Variants in IMPA2 observed in about 807,000 individuals in gnomAD.
IMPA2 encodes the protein inositol monophosphatase 2.
IMPA2 carries 32 observed loss-of-function variants against 35.1 expected under a neutral mutation model. The observed-to-expected ratio is 0.91, with a 90% CI of 0.69 to 1.23. IMPA2 has a LOEUF of 1.23. Among genes scored for constraint, IMPA2 ranks in the 50% most tolerant of loss-of-function variants. The probability of loss-of-function intolerance (pLI) is 0.00; values close to 1 mark genes in which losing one functional copy is unlikely to be tolerated. For synonymous variants in IMPA2, 135 were observed against 160.6 expected, an observed-to-expected ratio of 0.84 and a Z score of 1.20; for missense variants, 334 against 387.6, an observed-to-expected ratio of 0.86 and a Z score of 1.16.
At chr18:11,983,875 T>C (rs549612082) in intron 1 of IMPA2, among the ~76,000 whole-genome samples, 20 of 152,230 alleles carry the variant, frequency 1.3e-4, no homozygotes, top group Non-Finnish European at 2.6e-4. Context: ...GGAGAAAACA[T>C]ATCCTTTAGC....
chr18:12,000,459 C>T (rs1907085569), intron 2 of IMPA2, among the ~76,000 whole-genome samples: 2 of 151,096 alleles, frequency 1.3e-5, no homozygotes, highest in Admixed American at 6.6e-5. Context: ...TCAAGGTTAC[C>T]AGCTCTCCCT....
chr18:12,013,717 T>C (rs1907496018), intron 4 of IMPA2, among the ~76,000 whole-genome samples: 1 of 152,198 alleles, frequency 6.6e-6, no homozygotes, highest in Non-Finnish European at 1.5e-5. Flanking sequence ...TGATGCTTTG[T>C]TCCCTGATGT....
chr18:12,028,320 A>T (rs1245956851), intron 6 of IMPA2, 169 bp downstream of exon 6: 6 of 602,288 alleles, frequency 1.0e-5, no homozygotes, highest in African/African-American at 1.9e-5. Flanking sequence ...CCTGCAGTAG[A>T]TACTCCTATA....
intron 2 of IMPA2, among the ~76,000 whole-genome samples, chr18:12,007,631 C>CTTTCT (rs1446198513): frequency 1.4e-4 from 4 of 28,504 alleles, no homozygotes; most frequent in Non-Finnish European, 2.1e-4. Flanking sequence ...TTTCTTTCTT[C>CTTTCT]TTTCTTTCTT....
chr18:12,021,578 GC>G (rs1468906620), intron 5 of IMPA2: 4 of 151,642 alleles, frequency 2.6e-5, no homozygotes, highest in African/African-American at 9.7e-5. Context: ...GAGTGCAGTG[GC>G]TGATCTCGGC....
rs1256464157 is a variant in IMPA2, at chr18:12,007,570, CTTCTTTTCT to C, written c.231-2301_231-2293del. ...CATGGGACGCTTCTTTCTTTCTTTCCTTCTTTTCTTTCTTTTCTTTTCTTTCTTTCTTTC... is the reference window on the plus strand; with the variant it reads ...CATGGGACGCTTCTTTCTTTCTTTCCTTCTTTTCTTTTCTTTCTTTCTTTC... On this transcript the variant is annotated intron_variant, in intron 2 of 7. Coordinates refer to ENST00000269159, the MANE Select transcript of IMPA2 (RefSeq NM_014214.3). 1.0e-4 allele frequency among the ~76,000 whole-genome samples: 15 copies of C among 147,150 alleles called. 1 individual carries two copies. In the South Asian group the frequency reaches 2.1e-3, roughly 21 times the overall value.
chr18:12,000,218 G>A (rs528416033), intron 2 of IMPA2, among the ~76,000 whole-genome samples: 1 of 151,994 alleles, frequency 6.6e-6, no homozygotes, highest in African/African-American at 2.4e-5. Flanking sequence ...AGTTGCCCAG[G>A]TTGGAGTGCA....
chr18:12,028,440 C>G (rs971129563), intron 6 of IMPA2: 3 of 461,066 alleles, frequency 6.5e-6, no homozygotes, highest in Non-Finnish European at 1.2e-5. Context: ...CAGTCCTTCC[C>G]GAGGGGGCCT....
At chr18:12,026,914 T>C (rs1907895598) in intron 5 of IMPA2, among the ~76,000 whole-genome samples, 1 of 152,200 alleles carries the variant, frequency 6.6e-6, no homozygotes, top group African/African-American at 2.4e-5. Flanking sequence ...GGCAGGTTGC[T>C]TTGGTGTGGA....
At chr18:11,999,944 T>G (rs1907070864) in intron 2 of IMPA2, among the ~76,000 whole-genome samples, 1 of 152,220 alleles carries the variant, frequency 6.6e-6, no homozygotes, top group African/African-American at 2.4e-5. Context: ...AGTTCTGCAG[T>G]ATAAATGCTG....
chr18:11,993,473 G>A (rs1906871500), intron 1 of IMPA2, among the ~76,000 whole-genome samples: 1 of 152,224 alleles, frequency 6.6e-6, no homozygotes, highest in Admixed American at 6.5e-5. Flanking sequence ...ACCTGATAGA[G>A]CCCTATCTGG....
intron 4 of IMPA2, among the ~76,000 whole-genome samples, chr18:12,012,540 C>T (rs947557233): frequency 2.0e-5 from 3 of 152,136 alleles, no homozygotes; most frequent in Non-Finnish European, 2.9e-5. Context: ...ACCCCTAGAG[C>T]GTGTGATCTC....
At chr18:12,013,737 G>A (rs750818757) in intron 4 of IMPA2, among the ~76,000 whole-genome samples, 4 of 152,176 alleles carry the variant, frequency 2.6e-5, no homozygotes, top group Non-Finnish European at 5.9e-5. Flanking sequence ...TGGGGCAGTC[G>A]GGCCACTGTT....
chr18:12,001,426 G>A (rs1372062629), intron 2 of IMPA2, among the ~76,000 whole-genome samples: 1 of 152,038 alleles, frequency 6.6e-6, no homozygotes, highest in Non-Finnish European at 1.5e-5. Context: ...TCTGCGTGGG[G>A]TCTGGTAAAG....
At chr18:11,988,104 C>T (rs897987851) in intron 1 of IMPA2, among the ~76,000 whole-genome samples, 1 of 147,648 alleles carries the variant, frequency 6.8e-6, no homozygotes, top group Non-Finnish European at 1.5e-5. Flanking sequence ...TTCCCGGGCT[C>T]AAGCAATTCT....
chr18:11,990,080 C>T (rs1297127844), intron 1 of IMPA2, among the ~76,000 whole-genome samples: 1 of 152,168 alleles, frequency 6.6e-6, no homozygotes, highest in Admixed American at 6.5e-5. Context: ...TTTGCGTCTT[C>T]TCTCTTCTGT....
intron 1 of IMPA2, among the ~76,000 whole-genome samples, chr18:11,997,114 G>A (rs1906981719): frequency 1.3e-5 from 2 of 152,160 alleles, no homozygotes; most frequent in Non-Finnish European, 2.9e-5. Context: ...AGGAATCACC[G>A]TGGCCATACA....
At chr18:12,004,145 C>T (rs1030873440) in intron 2 of IMPA2, among the ~76,000 whole-genome samples, 1 of 152,200 alleles carries the variant, frequency 6.6e-6, no homozygotes, top group Non-Finnish European at 1.5e-5. Context: ...ACATTGACAT[C>T]CAGCTGCTTT....
chr18:12,022,556 T>TATATATATATATATATATATATATA (rs1568038109), intron 5 of IMPA2, among the ~76,000 whole-genome samples: 11 of 143,906 alleles, frequency 7.6e-5, no homozygotes, highest in Non-Finnish European at 1.4e-4. Flanking sequence ...TATATATATA[T>TATATATATATATATATATATATATA]TTGTGTGTGT....
Sources: allele counts gnomAD v4.1 joint callset (sites outside exome capture counted in the v4.1 genomes callset), GRCh38; gene constraint gnomAD v4.1.1; transcripts MANE v1.5; gene names NCBI Gene and HGNC (gene_info 2026-07-23, HGNC 2026-07-21).